The following ST6GALNAC5 variants were observed in gnomAD, a reference collection of about 807,000 sequenced individuals.
ST6GALNAC5 encodes ST6 N-acetylgalactosaminide alpha-2,6-sialyltransferase 5.
A neutral mutation model predicts 33.6 loss-of-function variants in ST6GALNAC5; 27 were observed. The ratio of observed to expected loss-of-function variants is 0.80; its 90% CI spans 0.59 to 1.11. The LOEUF is 1.11. ST6GALNAC5 is among the 50% of genes least tolerant of loss of function. The pLI is 0.00. For synonymous variants in ST6GALNAC5, 194 were observed against 171.2 expected (o/e 1.13, Z -1.04); for missense variants, 428 against 454.0 (o/e 0.94, Z 0.52).
intron 2 of ST6GALNAC5, among the ~76,000 whole-genome samples, chr1:77,041,720 T>C (rs1460801699): frequency 6.6e-6 from 1 of 152,218 alleles, no homozygotes; most frequent in African/African-American, 2.4e-5. Flanking sequence ...TGGCACTTCC[T>C]AAAGAAGGTT....
chr1:76,994,616 T>G (rs1024409325), intron 2 of ST6GALNAC5, among the ~76,000 whole-genome samples: 2 of 152,230 alleles, frequency 1.3e-5, no homozygotes, highest in Non-Finnish European at 2.9e-5. Flanking sequence ...ATAACTTGTG[T>G]GTTACCTTTT....
At chr1:76,891,498 C>T (rs889815111) in intron 2 of ST6GALNAC5, among the ~76,000 whole-genome samples, 1 of 152,086 alleles carries the variant, frequency 6.6e-6, no homozygotes, top group African/African-American at 2.4e-5. Context: ...ATATAAAATA[C>T]ATGATTTGCA....
chr1:76,964,942 C>CT (rs1302097897), intron 2 of ST6GALNAC5, among the ~76,000 whole-genome samples: 1 of 151,816 alleles, frequency 6.6e-6, no homozygotes, highest in East Asian at 1.9e-4. Context: ...TGAACTCATC[C>CT]TTTTTTATGG....
chr1:77,061,671 T>A (rs931336591), intron 4 of ST6GALNAC5, among the ~76,000 whole-genome samples: 1 of 152,178 alleles, frequency 6.6e-6, no homozygotes, highest in Non-Finnish European at 1.5e-5. Flanking sequence ...ATCTTACCAT[T>A]CATTCTTCAA....
At position 77,026,734 on chromosome 1, in the gene ST6GALNAC5, G is replaced by A. The variant is rs141614505; in HGVS notation, c.262-17470G>A. Among the ~76,000 whole-genome samples the A allele has an allele frequency of 1.1e-3, 169 of 152,286 alleles. 1 individual carries two copies. Among genetic ancestry groups the A allele is most frequent in the African/African-American group, 3.9e-3 (164 of 41,538 alleles). ...GATTCAGCCTCATTAGCTGTCTCTG[G>A]CATCCTTAGCTTGCAGAATGGTGCC... On this transcript the variant is annotated intron_variant, in intron 2 of 4. Coordinates refer to ENST00000477717, the MANE Select transcript of ST6GALNAC5 (RefSeq NM_030965.3).
chr1:76,954,336 C>G (rs930889022), intron 2 of ST6GALNAC5, among the ~76,000 whole-genome samples: 2 of 152,080 alleles, frequency 1.3e-5, no homozygotes, highest in African/African-American at 4.8e-5. Context: ...TATAAGAACA[C>G]ATGGACACAT....
intron 2 of ST6GALNAC5, among the ~76,000 whole-genome samples, chr1:76,992,623 T>C (rs1192908292): frequency 6.6e-6 from 1 of 152,200 alleles, no homozygotes; most frequent in Non-Finnish European, 1.5e-5. Context: ...GCCTCCCAGG[T>C]AACTGGGACT....
intron 2 of ST6GALNAC5, among the ~76,000 whole-genome samples, chr1:76,929,562 C>T (rs764307886): frequency 1.5e-4 from 23 of 152,004 alleles, no homozygotes; most frequent in Non-Finnish European, 2.6e-4. Flanking sequence ...AAAACTGCAT[C>T]TGGAGCTTTG....
chr1:76,983,979 A>G (rs1022771347), intron 2 of ST6GALNAC5, among the ~76,000 whole-genome samples: 28 of 152,246 alleles, frequency 1.8e-4, no homozygotes, highest in Non-Finnish European at 3.5e-4. Context: ...CAAAGACACA[A>G]CGTGTCAGAA....
intron 2 of ST6GALNAC5, among the ~76,000 whole-genome samples, chr1:77,004,067 G>A (rs1157188931): frequency 6.9e-6 from 1 of 144,102 alleles, no homozygotes; most frequent in Non-Finnish European, 1.5e-5. Context: ...AGTTCTCCTG[G>A]ATAATATCCT....
At chr1:76,908,291 A>T (rs1342430383) in intron 2 of ST6GALNAC5, among the ~76,000 whole-genome samples, 2 of 152,048 alleles carry the variant, frequency 1.3e-5, no homozygotes, top group Non-Finnish European at 1.5e-5. Context: ...TCAGGTGAAG[A>T]CCTGTTTCCT....
At chr1:76,973,620 T>C (rs902426155) in intron 2 of ST6GALNAC5, among the ~76,000 whole-genome samples, 4 of 152,104 alleles carry the variant, frequency 2.6e-5, no homozygotes, top group African/African-American at 7.2e-5. Flanking sequence ...AAATTAACTA[T>C]CACACACCCT....
chr1:76,988,224 G>T (rs1177863860), intron 2 of ST6GALNAC5, among the ~76,000 whole-genome samples: 1 of 151,916 alleles, frequency 6.6e-6, no homozygotes, highest in Non-Finnish European at 1.5e-5. Flanking sequence ...CAGAAGTTGT[G>T]ACTGGTTTTT....
chr1:76,902,984 C>T (rs1176668800), intron 2 of ST6GALNAC5, among the ~76,000 whole-genome samples: 4 of 151,934 alleles, frequency 2.6e-5, no homozygotes, highest in African/African-American at 7.3e-5. Context: ...CTCAGATTTG[C>T]CAACGAATTC....
chr1:76,956,505 C>G (rs919519616), intron 2 of ST6GALNAC5, among the ~76,000 whole-genome samples: 1 of 152,162 alleles, frequency 6.6e-6, no homozygotes, highest in African/African-American at 2.4e-5. Context: ...AGCTGAGTAA[C>G]CATTTCCAAC....
chr1:76,971,002 A>C (rs1445610439), intron 2 of ST6GALNAC5, among the ~76,000 whole-genome samples: 1 of 152,154 alleles, frequency 6.6e-6, no homozygotes, highest in Non-Finnish European at 1.5e-5. Context: ...ATTGCACTGT[A>C]AATGACCTCA....
Position 76,996,467 on chromosome 1 carries a change from A to G in ST6GALNAC5, c.262-47737A>G, listed in dbSNP as rs75724988. Among the ~76,000 whole-genome samples the G allele has an allele frequency of 3.7e-4, 56 of 152,344 alleles. No individual in the cohort carries two copies. The East Asian group carries it at 8.9e-3, about 24-fold the overall frequency. On this transcript the variant is annotated intron_variant, in intron 2 of 4. Coordinates refer to ENST00000477717, the MANE Select transcript of ST6GALNAC5 (RefSeq NM_030965.3). ...ATAGTGTTAAACATGTACATTTCTA[A>G]TATACTGTTGAATATGTTTGTGGAT...
At chr1:77,055,452 C>T (rs1029143121) in intron 4 of ST6GALNAC5, among the ~76,000 whole-genome samples, 1 of 152,118 alleles carries the variant, frequency 6.6e-6, no homozygotes, top group African/African-American at 2.4e-5. Flanking sequence ...AACATGAACA[C>T]ATGCATTATT....
At chr1:76,971,218 T>G (rs922596325) in intron 2 of ST6GALNAC5, among the ~76,000 whole-genome samples, 1 of 152,172 alleles carries the variant, frequency 6.6e-6, no homozygotes, top group Non-Finnish European at 1.5e-5. Flanking sequence ...AATTAAATGT[T>G]TGCTAAATAG....
Sources: allele counts gnomAD v4.1 joint callset (sites outside exome capture counted in the v4.1 genomes callset), GRCh38; gene constraint gnomAD v4.1.1; transcripts MANE v1.5; gene names NCBI Gene and HGNC (gene_info 2026-07-23, HGNC 2026-07-21).